The following PDE8B variants were observed in gnomAD, a reference collection of about 807,000 sequenced individuals.
The protein encoded by PDE8B is phosphodiesterase 8B.
PDE8B carries 26 observed loss-of-function variants against 101.3 expected under a neutral mutation model. The ratio of observed to expected loss-of-function variants is 0.26; its 90% confidence interval spans 0.19 to 0.36. The LOEUF (loss-of-function observed/expected upper bound fraction) is 0.36. PDE8B is among the 10% of genes least tolerant of loss of function. The probability of loss-of-function intolerance (pLI) is 1.00; values close to 1 mark genes in which losing one functional copy is unlikely to be tolerated. For missense variants in PDE8B, 810 were observed against 1,163.1 expected, an observed-to-expected ratio of 0.70 and a Z score of 4.42; for synonymous variants, 424 against 429.3, an observed-to-expected ratio of 0.99 and a Z score of 0.15.
chr5:77,220,909 G>C (rs1005096504), intron 1 of PDE8B, among the ~76,000 whole-genome samples: 1 of 152,106 alleles, frequency 6.6e-6, no homozygotes, highest in African/African-American at 2.4e-5. Context: ...AGGCACAGGC[G>C]GCTCAAGTAG....
the PDE8B span, among the ~76,000 whole-genome samples, chr5:77,168,183 G>T: frequency 3.3e-5 from 5 of 152,310 alleles, no homozygotes; most frequent in African/African-American, 1.2e-4. Context: ...TCTCCATCCT[G>T]CCCCTCTCCC....
chr5:77,244,686 A>G (rs971797121), intron 1 of PDE8B, among the ~76,000 whole-genome samples: 1 of 152,002 alleles, frequency 6.6e-6, no homozygotes, highest in African/African-American at 2.4e-5. Context: ...TCTCACTGCA[A>G]CCCCACAGGA....
chr5:77,412,010 T>A lies in PDE8B; in HGVS notation c.1577-90T>A. On this transcript the variant is annotated intron_variant, in intron 15 of 21. Transcript: ENST00000264917. Reference sequence around the variant, plus strand: ...GAAAAATCAGGTACAAGACTTTTTTTCTAGTAGTAACTATGAAGATGATGA... The same window carrying A: ...GAAAAATCAGGTACAAGACTTTTTTACTAGTAGTAACTATGAAGATGATGA... The A allele has an allele frequency of 6.7e-6, 9 of 1,351,854 alleles. No homozygotes were observed. The South Asian group carries it at 1.1e-4, about 16-fold the overall frequency. The allele number at this position is 1,351,854 out of a possible 1,614,324, so 83.7% of individuals were successfully genotyped here. A position where few individuals can be genotyped will look rare whatever the true frequency, so the allele number is the denominator to read the frequency against.
At chr5:77,224,320 G>A (rs545976892) in intron 1 of PDE8B, among the ~76,000 whole-genome samples, 2 of 152,236 alleles carry the variant, frequency 1.3e-5, no homozygotes, top group African/African-American at 4.8e-5. Context: ...TATACAAGCC[G>A]ATTTTTGAAG....
intron 5 of PDE8B, among the ~76,000 whole-genome samples, chr5:77,332,089 C>T (rs1442991803): frequency 6.6e-6 from 1 of 151,798 alleles, no homozygotes; most frequent in African/African-American, 2.4e-5. Flanking sequence ...AAGCTGTGTG[C>T]CTGCAAATGG....
At chr5:77,388,012 G>A (rs145377646) in intron 10 of PDE8B, among the ~76,000 whole-genome samples, 3,508 of 152,056 alleles carry the variant, frequency 0.023, 53 homozygotes, top group Non-Finnish European at 0.033. Context: ...CCTTGCATTG[G>A]GTTAGAACAT....
chr5:77,397,452 C>T (rs1791317100), intron 10 of PDE8B, among the ~76,000 whole-genome samples: 1 of 152,078 alleles, frequency 6.6e-6, no homozygotes, highest in African/African-American at 2.4e-5. Context: ...CTCTTATAGA[C>T]TTATAAGATT....
the PDE8B span, among the ~76,000 whole-genome samples, chr5:77,150,373 T>C: frequency 6.6e-6 from 1 of 152,206 alleles, no homozygotes; most frequent in African/African-American, 2.4e-5. Context: ...CCCAATGGAA[T>C]TGAATCCCAG....
chr5:77,210,085 G>A (rs1248715082), upstream of PDE8B, among the ~76,000 whole-genome samples: 1 of 152,138 alleles, frequency 6.6e-6, no homozygotes, highest in African/African-American at 2.4e-5. The surrounding 1 kb of genome is among the most constrained non-coding windows in gnomAD (Gnocchi z 4.9). Context: ...GGTGGGCCTG[G>A]GCTGTAGGGC....
At chr5:77,297,840 C>T (rs1472688155) in intron 1 of PDE8B, among the ~76,000 whole-genome samples, 1 of 152,164 alleles carries the variant, frequency 6.6e-6, no homozygotes, top group Admixed American at 6.5e-5. Context: ...CTTCACTTGG[C>T]TCATTCTCAC....
At chr5:77,314,384 A>G (rs1773330665) in intron 2 of PDE8B, among the ~76,000 whole-genome samples, 1 of 152,016 alleles carries the variant, frequency 6.6e-6, no homozygotes, top group South Asian at 2.1e-4. Context: ...GCATCTTTGT[A>G]TGAATTTTAG....
intron 3 of PDE8B, among the ~76,000 whole-genome samples, chr5:77,327,397 C>G (rs1435200133): frequency 6.6e-6 from 1 of 152,076 alleles, no homozygotes; most frequent in Non-Finnish European, 1.5e-5. Context: ...GAAGCCAGTC[C>G]CAAAAGAAAC....
At chr5:77,290,957 C>T in intron 1 of PDE8B, 1 of 1,611,764 alleles carries the variant, frequency 6.2e-7, no homozygotes. Flanking sequence ...CAGATACCGG[C>T]ACAGCAATGG....
the PDE8B span, among the ~76,000 whole-genome samples, chr5:77,175,053 T>C: frequency 9.2e-5 from 14 of 152,268 alleles, no homozygotes; most frequent in African/African-American, 3.4e-4. Flanking sequence ...CTAAGGGTTA[T>C]CTTGTTTTTT....
At chr5:77,308,993 A>C (rs984005253) in intron 1 of PDE8B, among the ~76,000 whole-genome samples, 5 of 152,098 alleles carry the variant, frequency 3.3e-5, no homozygotes, top group African/African-American at 1.2e-4. Flanking sequence ...ACCCTGGCCA[A>C]CATGGCGAAA....
intron 7 of PDE8B, among the ~76,000 whole-genome samples, chr5:77,346,605 C>A (rs1048844779): frequency 6.6e-6 from 1 of 152,102 alleles, no homozygotes; most frequent in Non-Finnish European, 1.5e-5. Flanking sequence ...TAATCATCTC[C>A]CAGCCTTTGC....
the PDE8B span, among the ~76,000 whole-genome samples, chr5:77,179,951 T>C: frequency 3.9e-5 from 6 of 152,210 alleles, no homozygotes; most frequent in African/African-American, 1.4e-4. Context: ...CCAATATCTC[T>C]AACTTGAAAA....
chr5:77,389,760 G>A (rs1317689531), intron 10 of PDE8B, among the ~76,000 whole-genome samples: 1 of 152,038 alleles, frequency 6.6e-6, no homozygotes, highest in Non-Finnish European at 1.5e-5. Context: ...TGTTTTTGAG[G>A]TTCATCTTCA....
At chr5:77,170,208 T>G in the PDE8B span, among the ~76,000 whole-genome samples, 1 of 152,158 alleles carries the variant, frequency 6.6e-6, no homozygotes, top group East Asian at 1.9e-4. Flanking sequence ...AAGCATAGGT[T>G]AGGTTTTTGG....
Sources: gnomAD v4.1 joint callset for allele counts (sites outside exome capture counted in the v4.1 genomes callset) on GRCh38, gnomAD v4.1.1 for gene constraint, Gnocchi (gnomAD v3.1) non-coding constraint, MANE v1.5 for transcripts, NCBI Gene and HGNC (gene_info 2026-07-23, HGNC 2026-07-21) for gene names.